VPS26C: variants seen among roughly 807,000 people sequenced by gnomAD.
The protein encoded by VPS26C is VPS26 endosomal protein sorting factor C, also known as vacuolar protein sorting-associated protein 26C.
In VPS26C, 19 loss-of-function variants were observed where a neutral mutation model predicts 30.6. That is an observed-to-expected ratio of 0.62 (90% confidence interval 0.43 to 0.91). VPS26C has a LOEUF of 0.91. Among genes scored for constraint, VPS26C ranks in the 40% least tolerant of loss-of-function variants. The pLI, the probability that VPS26C is intolerant of heterozygous loss-of-function variation, is 0.00. For missense variants in VPS26C, 318 were observed against 385.1 expected (o/e 0.83, Z 1.46); for synonymous variants, 132 against 151.5 (o/e 0.87, Z 0.95).
intron 4 of VPS26C, 92 bp from the exon 5 acceptor site, chr21:37,232,543 A>G: frequency 9.1e-7 from 1 of 1,095,244 alleles, no homozygotes; most frequent in South Asian, 1.3e-5. Context: ...AACCAACGGC[A>G]GCCTGGCGAT....
intron 1 of VPS26C, among the ~76,000 whole-genome samples, chr21:37,263,327 TC>T (rs912477451): frequency 6.6e-6 from 1 of 152,176 alleles, no homozygotes; most frequent in Non-Finnish European, 1.5e-5. Context: ...ACAATGTTAT[TC>T]ACAGCACTCC....
intron 1 of VPS26C, among the ~76,000 whole-genome samples, chr21:37,242,448 T>A (rs2086097067): frequency 1.3e-5 from 2 of 152,024 alleles, no homozygotes; most frequent in African/African-American, 4.8e-5. Context: ...AAAAAAATTT[T>A]AAAAATTAGC....
chr21:37,264,905 G>A (rs1370714962), intron 1 of VPS26C, among the ~76,000 whole-genome samples: 2 of 152,244 alleles, frequency 1.3e-5, no homozygotes, highest in East Asian at 3.9e-4. Flanking sequence ...AGAGACCAGT[G>A]GTTAAACAAA....
intron 1 of VPS26C, among the ~76,000 whole-genome samples, chr21:37,242,211 T>C (rs942544637): frequency 1.3e-5 from 2 of 152,242 alleles, no homozygotes; most frequent in African/African-American, 4.8e-5. Context: ...CAGACTTAAA[T>C]AAAAATTCCT....
intron 3 of VPS26C, among the ~76,000 whole-genome samples, chr21:37,235,132 G>A (rs1351933099): frequency 6.6e-6 from 1 of 151,906 alleles, no homozygotes; most frequent in Non-Finnish European, 1.5e-5. Context: ...TCAGCCTCCC[G>A]AGTAGCTGAG....
intron 7 of VPS26C, 167 bp downstream of exon 7, chr21:37,227,487 T>C: frequency 1.4e-6 from 1 of 738,346 alleles, no homozygotes; most frequent in South Asian, 1.9e-5. Context: ...CAAGGTTTTG[T>C]TGAGCAGCCG....
At chr21:37,259,612 A>T (rs1473711692) in intron 1 of VPS26C, among the ~76,000 whole-genome samples, 1 of 152,238 alleles carries the variant, frequency 6.6e-6, no homozygotes, top group Non-Finnish European at 1.5e-5. Context: ...AGTAATTTAC[A>T]GTGCATTTGA....
intron 1 of VPS26C, among the ~76,000 whole-genome samples, chr21:37,247,916 A>G (rs1024051561): frequency 2.6e-5 from 4 of 152,156 alleles, no homozygotes; most frequent in Admixed American, 2.0e-4. Context: ...CATGCCTGCA[A>G]TTCTAGCACT....
chr21:37,239,010 T>C (rs2086055526), intron 2 of VPS26C, among the ~76,000 whole-genome samples: 1 of 152,068 alleles, frequency 6.6e-6, no homozygotes, highest in Non-Finnish European at 1.5e-5. Context: ...CGTGCTCTTC[T>C]GGGCAGCGCT....
intron 3 of VPS26C, chr21:37,237,815 C>T (rs1432637048): frequency 6.6e-6 from 1 of 152,218 alleles, no homozygotes; most frequent in Non-Finnish European, 1.5e-5. Flanking sequence ...TGACTTTCAT[C>T]CCTCTTGCAT....
At chr21:37,250,025 C>T (rs960428924) in intron 1 of VPS26C, among the ~76,000 whole-genome samples, 9 of 152,144 alleles carry the variant, frequency 5.9e-5, no homozygotes, top group African/African-American at 1.9e-4. Flanking sequence ...TAAGTTGGGC[C>T]GGGCAGGGTG....
At chr21:37,229,898 G>C (rs906356614) in intron 5 of VPS26C, among the ~76,000 whole-genome samples, 7 of 152,186 alleles carry the variant, frequency 4.6e-5, no homozygotes, top group Non-Finnish European at 7.3e-5. Flanking sequence ...AACATTTTTA[G>C]AGACAGGGTC....
chr21:37,235,624 A>T (rs1353776093), intron 3 of VPS26C, among the ~76,000 whole-genome samples: 5 of 152,138 alleles, frequency 3.3e-5, no homozygotes, highest in Admixed American at 3.3e-4. Context: ...ACTTGCCTAC[A>T]ATTTAAATTA....
intron 5 of VPS26C, 166 bp from the exon 6 acceptor site, chr21:37,228,539 C>A: frequency 1.1e-5 from 7 of 643,134 alleles, no homozygotes; most frequent in Non-Finnish European, 1.3e-5. Flanking sequence ...ACGTCTTGGA[C>A]ATTAGCCGGC....
intron 1 of VPS26C, among the ~76,000 whole-genome samples, chr21:37,243,933 CCT>C (rs1223238154): frequency 5.3e-5 from 8 of 152,218 alleles, no homozygotes; most frequent in African/African-American, 1.9e-4. Flanking sequence ...GGGCAGCTGT[CCT>C]CTCTTTGGCT....
intron 1 of VPS26C, among the ~76,000 whole-genome samples, chr21:37,246,532 C>T (rs2086139330): frequency 6.6e-6 from 1 of 151,892 alleles, no homozygotes; most frequent in Admixed American, 6.6e-5. Context: ...GCTAGAAAAA[C>T]TATGTCAAAA....
At chr21:37,228,480 A>AG (rs989236246) in intron 5 of VPS26C, 107 bp from the exon 6 acceptor site, 5 of 1,224,746 alleles carry the variant, frequency 4.1e-6, no homozygotes, top group Admixed American at 4.0e-5. Context: ...GTGGTTACAC[A>AG]GTCCACCGGG....
intron 1 of VPS26C, chr21:37,267,009 T>G: frequency 1.7e-6 from 1 of 572,928 alleles, no homozygotes; most frequent in Non-Finnish European, 3.1e-6. Flanking sequence ...GTCCCGCAGA[T>G]GCGGCGGCGG....
At chr21:37,248,121 G>C (rs2086155283) in intron 1 of VPS26C, among the ~76,000 whole-genome samples, 1 of 152,140 alleles carries the variant, frequency 6.6e-6, no homozygotes. Flanking sequence ...AATTCGTTGT[G>C]GGAGACATTA....
Sources: allele counts gnomAD v4.1 joint callset (sites outside exome capture counted in the v4.1 genomes callset), GRCh38; gene constraint gnomAD v4.1.1; transcripts MANE v1.5; gene names NCBI Gene and HGNC (gene_info 2026-07-23, HGNC 2026-07-21).